Variants in HOMER2 observed in about 807,000 individuals in gnomAD.
HOMER2 encodes homer scaffold protein 2, also known as homer protein homolog 2.
A neutral mutation model predicts 47.0 loss-of-function variants in HOMER2; 27 were observed. The observed-to-expected ratio is 0.57, with a 90% CI of 0.42 to 0.79. The LOEUF (loss-of-function observed/expected upper bound fraction) is 0.79, where lower values mean the gene tolerates loss of function less well. HOMER2 is among the 30% of genes least tolerant of loss of function. The pLI, the probability that HOMER2 is intolerant of heterozygous loss-of-function variation, is 0.00. For missense variants in HOMER2, 443 were observed against 435.0 expected (o/e 1.02, Z -0.16); for synonymous variants, 161 against 163.8 (o/e 0.98, Z 0.13).
chr15:82,914,050 A>C (rs2053515467), intron 1 of HOMER2, among the ~76,000 whole-genome samples: 1 of 152,160 alleles, frequency 6.6e-6, no homozygotes, highest in Non-Finnish European at 1.5e-5. Context: ...AAAAGGAATG[A>C]AAGTCGGCCA....
chr15:82,922,734 A>C (rs1331792996), intron 1 of HOMER2, among the ~76,000 whole-genome samples: 3 of 152,128 alleles, frequency 2.0e-5, no homozygotes, highest in Non-Finnish European at 4.4e-5. Flanking sequence ...CAGGTTGTGA[A>C]GGCAGCCTTC....
chr15:82,857,855 C>G (rs971292267), intron 5 of HOMER2, among the ~76,000 whole-genome samples: 1 of 152,200 alleles, frequency 6.6e-6, no homozygotes. Context: ...TGGGACCGCC[C>G]TAAACCACGA....
At chr15:82,929,462 C>T (rs1482195742) in intron 1 of HOMER2, among the ~76,000 whole-genome samples, 1 of 151,892 alleles carries the variant, frequency 6.6e-6, no homozygotes, top group Non-Finnish European at 1.5e-5. Context: ...TCAAGACCAG[C>T]CTGCCCAACA....
At chr15:82,973,523 T>C (rs2030086355) in intron 1 of HOMER2, among the ~76,000 whole-genome samples, 1 of 152,226 alleles carries the variant, frequency 6.6e-6, no homozygotes, top group Non-Finnish European at 1.5e-5. Context: ...GTAGTCTTCA[T>C]ATTTTAACAT....
intron 8 of HOMER2, 83 bp from the exon 9 acceptor site, chr15:82,849,986 T>TTC: frequency 7.2e-7 from 1 of 1,391,546 alleles, no homozygotes; most frequent in Non-Finnish European, 1.0e-6. Flanking sequence ...GAACCAACCA[T>TTC]TCTCCATCCA....
At chr15:82,868,541 A>ATATATATATATATATATATTTTT in intron 3 of HOMER2, among the ~76,000 whole-genome samples, 1 of 71,290 alleles carries the variant, frequency 1.4e-5, no homozygotes, top group Non-Finnish European at 2.8e-5. Flanking sequence ...ATATATATAT[A>ATATATATATATATATATATTTTT]TTTTTTTTTT....
intron 2 of HOMER2, among the ~76,000 whole-genome samples, chr15:82,882,880 G>T (rs115483400): frequency 0.28 from 6,026 of 21,726 alleles, 2,076 homozygotes; most frequent in African/African-American, 0.65. Context: ...ACCAGCCACT[G>T]CTTTTTTTTT....
At chr15:82,880,430 A>G (rs1429836741) in intron 2 of HOMER2, among the ~76,000 whole-genome samples, 1 of 152,160 alleles carries the variant, frequency 6.6e-6, no homozygotes, top group Admixed American at 6.5e-5. Flanking sequence ...AGAGCATCTA[A>G]TTAGGGAAAG....
intron 1 of HOMER2, among the ~76,000 whole-genome samples, chr15:82,894,548 G>A (rs2052837981): frequency 6.6e-6 from 1 of 151,808 alleles, no homozygotes; most frequent in East Asian, 1.9e-4. Context: ...GCGGGTGCCT[G>A]TAGTCCCAGC....
intron 8 of HOMER2, 118 bp downstream of exon 8, chr15:82,851,033 T>C (rs574087500): frequency 5.5e-5 from 41 of 742,204 alleles, no homozygotes; most frequent in Middle Eastern, 3.7e-4. Flanking sequence ...TTTTTGTGAA[T>C]AGAAAATCTC....
At chr15:82,848,561 G>A (rs2051288456), downstream of HOMER2, among the ~76,000 whole-genome samples, 1 of 152,200 alleles carries the variant, frequency 6.6e-6, no homozygotes, top group Non-Finnish European at 1.5e-5. Flanking sequence ...GCAGAGCTGG[G>A]TGGAACACCT....
Position 82,875,347 on chromosome 15 carries a change from A to T in HOMER2, c.220T>A (p.Phe74Ile). Residue 74 changes from phenylalanine (F) to isoleucine (I), a missense_variant, in exon 3 of 9, where the codon TTT (phenylalanine) becomes ATT (isoleucine). Phe to Ile is a conservative substitution (Grantham distance 21). Transcript: ENST00000450735. Reference protein sequence around the residue: ...NMTFTKTSQKFGQWADSRANT... With the variant: ...NMTFTKTSQKIGQWADSRANT... Reference sequence around the variant, plus strand: ...GCTCTGCTGTCGGCCCACTGCCCAAACTTCTGTGACGTTTTGGTGAAGGTC... The same window carrying T: ...GCTCTGCTGTCGGCCCACTGCCCAATCTTCTGTGACGTTTTGGTGAAGGTC... 6.2e-7 allele frequency: 1 copy of T among 1,613,908 alleles called. No homozygotes were observed. Among genetic ancestry groups the T allele is most frequent in the Non-Finnish European group, 8.5e-7 (1 of 1,179,882 alleles).
chr15:82,891,947 G>A (rs986731480), intron 2 of HOMER2, among the ~76,000 whole-genome samples: 1 of 151,688 alleles, frequency 6.6e-6, no homozygotes, highest in Non-Finnish European at 1.5e-5. Context: ...TGTAAAAAAT[G>A]TACAGCAGGA....
intron 1 of HOMER2, among the ~76,000 whole-genome samples, chr15:82,915,215 A>C (rs1439875755): frequency 2.0e-5 from 3 of 152,102 alleles, no homozygotes; most frequent in African/African-American, 7.2e-5. Flanking sequence ...GTGTGAATGC[A>C]CTTAATGCCC....
intron 2 of HOMER2, among the ~76,000 whole-genome samples, chr15:82,880,799 AAAG>A (rs748326891): frequency 2.0e-5 from 3 of 152,128 alleles, no homozygotes; most frequent in African/African-American, 4.8e-5. Context: ...TGGTGGAAGA[AAAG>A]AAGAGAGGCC....
At chr15:82,935,977 G>A (rs964944459) in intron 1 of HOMER2, among the ~76,000 whole-genome samples, 1 of 152,150 alleles carries the variant, frequency 6.6e-6, no homozygotes, top group African/African-American at 2.4e-5. Flanking sequence ...CACTTTTATT[G>A]AATCATACTG....
At chr15:82,974,477 C>T (rs547322170) in intron 1 of HOMER2, among the ~76,000 whole-genome samples, 29 of 152,212 alleles carry the variant, frequency 1.9e-4, no homozygotes, top group South Asian at 4.2e-4. Flanking sequence ...GGGCAGACTT[C>T]TACCTACCAT....
chr15:82,890,753 T>A (rs1255866327), intron 2 of HOMER2, among the ~76,000 whole-genome samples: 2 of 152,190 alleles, frequency 1.3e-5, no homozygotes, highest in African/African-American at 2.4e-5. Context: ...ATAACTCAAC[T>A]GACAAAAGTA....
intron 4 of HOMER2, among the ~76,000 whole-genome samples, chr15:82,862,185 G>A (rs1456204998): frequency 6.6e-6 from 1 of 151,702 alleles, no homozygotes; most frequent in Non-Finnish European, 1.5e-5. Context: ...TTACAGGTGT[G>A]AGCCGCTGTA....
Sources: allele counts gnomAD v4.1 joint callset (sites outside exome capture counted in the v4.1 genomes callset), GRCh38; gene constraint gnomAD v4.1.1; transcripts MANE v1.5; gene names NCBI Gene and HGNC (gene_info 2026-07-23, HGNC 2026-07-21).